CLVS1: variants seen among roughly 807,000 people sequenced by gnomAD.
The protein encoded by CLVS1 is clavesin-1.
In CLVS1, 10 loss-of-function variants were observed where a neutral mutation model predicts 33.1. The ratio of observed to expected loss-of-function variants is 0.30; its 90% CI spans 0.19 to 0.51. The LOEUF (loss-of-function observed/expected upper bound fraction) is 0.51, where lower values mean the gene tolerates loss of function less well. Ranked by LOEUF, CLVS1 falls within the 20% of genes least tolerant of loss-of-function variation. CLVS1 has a pLI of 0.97. For synonymous variants in CLVS1, 163 were observed against 166.1 expected (o/e 0.98, Z 0.14); for missense variants, 343 against 433.4 (o/e 0.79, Z 1.85).
chr8:61,390,662 A>G (rs1814266639), intron 3 of CLVS1, among the ~76,000 whole-genome samples: 1 of 152,224 alleles, frequency 6.6e-6, no homozygotes, highest in African/African-American at 2.4e-5. Context: ...ACAATTTGCC[A>G]TACGTCTATT....
chr8:61,005,264 G>C, the CLVS1 span, among the ~76,000 whole-genome samples: 1 of 152,178 alleles, frequency 6.6e-6, no homozygotes, highest in Non-Finnish European at 1.5e-5. Flanking sequence ...TCTCAAAATT[G>C]ATAGAACAGC....
intron 5 of CLVS1, among the ~76,000 whole-genome samples, chr8:61,490,170 C>T (rs1227856294): frequency 6.6e-6 from 1 of 151,082 alleles, no homozygotes; most frequent in African/African-American, 2.4e-5. Flanking sequence ...AAAAAATTAC[C>T]TGGATGTGGT....
chr8:61,455,573 G>A (rs1346031773), intron 4 of CLVS1, among the ~76,000 whole-genome samples: 4 of 151,826 alleles, frequency 2.6e-5, no homozygotes, highest in Non-Finnish European at 4.4e-5. Context: ...TATTCCTCTC[G>A]GTATATATCC....
At position 61,091,031 on chromosome 8, in the gene CLVS1, G is replaced by T; in HGVS notation, c.-243+33801G>T. 6.8e-6 allele frequency: 3 copies of T among 439,594 alleles called. 1 individual carries two copies. Among genetic ancestry groups the T allele is most frequent in the South Asian group, 5.3e-5 (3 of 56,558 alleles). The allele number at this position is 439,594 out of a possible 1,614,324, so 27.2% of individuals were successfully genotyped here. ...TTGCACCCTAATCCCCAGAACCTGTGCCCGTTACCTCACATGGCAAAAGGG... is the reference window on the plus strand; with the variant it reads ...TTGCACCCTAATCCCCAGAACCTGTTCCCGTTACCTCACATGGCAAAAGGG... On this transcript the variant is annotated intron_variant, in intron 1 of 2. Transcript: ENST00000522621.
At chr8:61,443,065 C>G (rs1479351881) in intron 3 of CLVS1, among the ~76,000 whole-genome samples, 1 of 152,060 alleles carries the variant, frequency 6.6e-6, no homozygotes, top group Non-Finnish European at 1.5e-5. Flanking sequence ...TGTTTTTGCT[C>G]ATATTCTCAT....
intron 2 of CLVS1, among the ~76,000 whole-genome samples, chr8:61,179,962 T>C (rs1442812700): frequency 6.6e-6 from 1 of 152,104 alleles, no homozygotes; most frequent in Admixed American, 6.5e-5. Flanking sequence ...ATCCAAAAGT[T>C]AGCAGAAGAC....
At chr8:61,114,868 A>T (rs1805689512) in intron 1 of CLVS1, among the ~76,000 whole-genome samples, 1 of 152,228 alleles carries the variant, frequency 6.6e-6, no homozygotes, top group African/African-American at 2.4e-5. Flanking sequence ...AAACAAAACA[A>T]ATATAACAAC....
At chr8:60,970,613 A>G in the CLVS1 span, among the ~76,000 whole-genome samples, 1 of 152,252 alleles carries the variant, frequency 6.6e-6, no homozygotes, top group Non-Finnish European at 1.5e-5. Context: ...CATGTCTTCT[A>G]TCTCCCTGTA....
At chr8:61,454,371 G>A (rs767437055) in intron 4 of CLVS1, 120 bp downstream of exon 4, 7 of 788,244 alleles carry the variant, frequency 8.9e-6, no homozygotes, top group African/African-American at 1.7e-5. Context: ...CTTTCACTGT[G>A]GTTTTTCTAC....
Position 61,486,852 on chromosome 8 carries a change from C to A in CLVS1, c.978-12603C>A, listed in dbSNP as rs113673116. Among the ~76,000 whole-genome samples the A allele has an allele frequency of 5.8e-3, 882 of 152,292 alleles. 3 individuals carry two copies. The highest frequency in any genetic ancestry group is 9.3e-3 in the Non-Finnish European group (633 of 68,016). ...TGTTCATTGTCTCTATCAGCCCCCA[C>A]CAACTGTGTATGCTGAGGCTTATCT... is the stretch of plus-strand genomic sequence containing the variant. On this transcript the variant is annotated intron_variant, in intron 5 of 5. Coordinates refer to ENST00000325897, the MANE Select transcript of CLVS1 (RefSeq NM_173519.3).
chr8:61,429,515 T>G (rs1816032199), intron 3 of CLVS1, among the ~76,000 whole-genome samples: 1 of 151,768 alleles, frequency 6.6e-6, no homozygotes, highest in Admixed American at 6.6e-5. Flanking sequence ...CCTGCAATAT[T>G]GGCATTAATT....
rs186959171 is a variant in CLVS1 at position 61,309,679 on chromosome 8, C to T, written c.455+9397C>T. Among the ~76,000 whole-genome samples, 319 of 152,276 alleles carry T rather than the reference C, an allele frequency of 2.1e-3. 5 individuals carry two copies. Among genetic ancestry groups the T allele is most frequent in the Non-Finnish European group, 1.0e-3 (71 of 68,018 alleles). Reference sequence around the variant, plus strand: ...CTTGCAGTAATTTATTTGATGGATACGCTGAAGACAGCAGCTTCTTCAAAT... The same window carrying T: ...CTTGCAGTAATTTATTTGATGGATATGCTGAAGACAGCAGCTTCTTCAAAT... On this transcript the variant is annotated intron_variant, in intron 2 of 5. Coordinates refer to ENST00000325897, the MANE Select transcript of CLVS1 (RefSeq NM_173519.3).
At chr8:61,280,645 A>G (rs1015451694) in intron 2 of CLVS1, among the ~76,000 whole-genome samples, 2 of 152,268 alleles carry the variant, frequency 1.3e-5, no homozygotes, top group African/African-American at 4.8e-5. Context: ...TAAAGAAACT[A>G]GATATACATT....
intron 1 of CLVS1, among the ~76,000 whole-genome samples, chr8:61,105,917 C>T (rs1805528473): frequency 6.6e-6 from 1 of 152,214 alleles, no homozygotes; most frequent in East Asian, 1.9e-4. Context: ...GTTGTTCTCC[C>T]GCTCATGCCC....
intron 1 of CLVS1, among the ~76,000 whole-genome samples, chr8:61,299,394 C>T (rs1810346126): frequency 6.6e-6 from 1 of 152,148 alleles, no homozygotes; most frequent in Admixed American, 6.5e-5. Flanking sequence ...AAAGTGCATG[C>T]TATTGCTAAT....
intron 2 of CLVS1, among the ~76,000 whole-genome samples, chr8:61,145,860 T>A (rs2129293956): frequency 6.6e-6 from 1 of 152,354 alleles, no homozygotes; most frequent in South Asian, 2.1e-4. Flanking sequence ...GATCTCATCA[T>A]AATTCTGTCA....
At chr8:61,367,371 G>T (rs180675814) in intron 2 of CLVS1, among the ~76,000 whole-genome samples, 16 of 152,192 alleles carry the variant, frequency 1.1e-4, no homozygotes, top group African/African-American at 3.9e-4. Context: ...AATACATGGT[G>T]TCTACACGCT....
intron 1 of CLVS1, among the ~76,000 whole-genome samples, chr8:61,117,404 C>T (rs1195024398): frequency 6.6e-6 from 1 of 151,928 alleles, no homozygotes; most frequent in South Asian, 2.1e-4. Context: ...ACTTTCAACA[C>T]TATGTTGAAT....
At chr8:61,412,014 T>G (rs12546667) in intron 3 of CLVS1, among the ~76,000 whole-genome samples, 1 of 151,986 alleles carries the variant, frequency 6.6e-6, no homozygotes, top group Non-Finnish European at 1.5e-5. Flanking sequence ...AAGCCTTCAC[T>G]GAGACAGGGT....
Sources: gnomAD v4.1 joint callset for allele counts (sites outside exome capture counted in the v4.1 genomes callset) on GRCh38, gnomAD v4.1.1 for gene constraint, MANE v1.5 for transcripts, NCBI Gene and HGNC (gene_info 2026-07-23, HGNC 2026-07-21) for gene names.